Variants in DPP6 observed in about 807,000 individuals in gnomAD.
DPP6 encodes A-type potassium channel modulatory protein DPP6.
Under a neutral mutation model 122.6 loss-of-function variants are expected in DPP6, and 69 were observed. The observed-to-expected ratio is 0.56, with a 90% CI of 0.46 to 0.69. The LOEUF (loss-of-function observed/expected upper bound fraction) is 0.69, where lower values mean the gene tolerates loss of function less well. Ranked by LOEUF, DPP6 falls within the 30% of genes least tolerant of loss-of-function variation. The probability of loss-of-function intolerance (pLI) is 0.00; values close to 1 mark genes in which losing one functional copy is unlikely to be tolerated. For missense variants in DPP6, 928 were observed against 1,116.9 expected (o/e 0.83, Z 2.41); for synonymous variants, 418 against 433.1 (o/e 0.97, Z 0.43).
intron 8 of DPP6, among the ~76,000 whole-genome samples, chr7:154,763,992 T>C (rs990083430): frequency 6.6e-6 from 1 of 151,906 alleles, no homozygotes; most frequent in Non-Finnish European, 1.5e-5. Context: ...CCTGTGGATT[T>C]GGATGCCCCA....
intron 4 of DPP6, among the ~76,000 whole-genome samples, chr7:154,559,978 C>T (rs373496977): frequency 0.026 from 3,692 of 143,102 alleles, 61 homozygotes; most frequent in African/African-American, 0.042. Flanking sequence ...AAGATATAGA[C>T]ATATATAAAC....
chr7:153,818,407 A>G, the DPP6 span, among the ~76,000 whole-genome samples: 9 of 152,146 alleles, frequency 5.9e-5, no homozygotes, highest in African/African-American at 1.9e-4. Context: ...TTGCTGCAGC[A>G]TTGTTTGTAA....
At chr7:154,673,390 G>T (rs1043552334) in intron 7 of DPP6, among the ~76,000 whole-genome samples, 1 of 152,206 alleles carries the variant, frequency 6.6e-6, no homozygotes, top group African/African-American at 2.4e-5. Context: ...CCAGGGATGG[G>T]TGAGGGCATC....
At chr7:154,369,963 TGC>T in intron 1 of DPP6, among the ~76,000 whole-genome samples, 1 of 137,194 alleles carries the variant, frequency 7.3e-6, no homozygotes, top group African/African-American at 2.8e-5. Flanking sequence ...AGCAGATATA[TGC>T]ATTTATTTAT....
rs927152374 is a variant in DPP6 at position 154,604,395 on chromosome 7, A to G, written c.628-33426A>G. ...CTCTTCTTTAAAAATTGCCTTGGCT[A>G]TTATTTGCCTTTTACTCTTACATGT... On this transcript the variant is annotated intron_variant, in intron 5 of 25. Coordinates refer to ENST00000377770, the MANE Select transcript of DPP6 (RefSeq NM_130797.4). Among the ~76,000 whole-genome samples, 51 of 120,634 alleles carry G rather than the reference A, an allele frequency of 4.2e-4. 8 individuals are homozygous for G. Among genetic ancestry groups the G allele is most frequent in the African/African-American group, 1.3e-3 (51 of 37,940 alleles). The allele number at this position is 120,634 out of a possible 152,430, so 79.1% of individuals were successfully genotyped here. A position where few individuals can be genotyped will look rare whatever the true frequency, so the allele number is the denominator to read the frequency against.
the DPP6 span, among the ~76,000 whole-genome samples, chr7:153,828,211 A>C: frequency 6.6e-6 from 1 of 152,146 alleles, no homozygotes; most frequent in Admixed American, 6.5e-5. Flanking sequence ...GGCCTGCAAA[A>C]CAGGACGCTT....
At chr7:153,935,635 T>A (rs1801399424) in intron 1 of DPP6, among the ~76,000 whole-genome samples, 1 of 152,200 alleles carries the variant, frequency 6.6e-6, no homozygotes, top group Non-Finnish European at 1.5e-5. Context: ...ACAGCAGCCC[T>A]GGGAGGTGTG....
chr7:153,892,071 A>C (rs771059312), intron 1 of DPP6, among the ~76,000 whole-genome samples: 1 of 152,338 alleles, frequency 6.6e-6, no homozygotes, highest in East Asian at 1.9e-4. Context: ...TATCTATGGC[A>C]TGACGAGCCT....
chr7:153,943,899 G>A (rs1215600151), intron 1 of DPP6, among the ~76,000 whole-genome samples: 1 of 152,182 alleles, frequency 6.6e-6, no homozygotes, highest in Non-Finnish European at 1.5e-5. Flanking sequence ...GAATTTAAAA[G>A]AATGATGAGA....
intron 3 of DPP6, among the ~76,000 whole-genome samples, chr7:154,501,075 G>A (rs534900875): frequency 1.3e-5 from 2 of 152,304 alleles, no homozygotes; most frequent in South Asian, 2.1e-4. Context: ...TTTTGCCCCT[G>A]CCCTAGAGAT....
At chr7:154,420,126 C>T in intron 1 of DPP6, among the ~76,000 whole-genome samples, 1 of 152,190 alleles carries the variant, frequency 6.6e-6, no homozygotes, top group East Asian at 1.9e-4. Context: ...CACCTGAGGT[C>T]AGGAGTTTGA....
intron 16 of DPP6, among the ~76,000 whole-genome samples, chr7:154,843,432 C>T (rs1563273850): frequency 2.6e-5 from 4 of 152,204 alleles, no homozygotes. Context: ...TTTCTTTCTT[C>T]TTTCCTTTCC....
the DPP6 span, among the ~76,000 whole-genome samples, chr7:153,855,608 G>C: frequency 4.6e-5 from 7 of 152,234 alleles, no homozygotes; most frequent in South Asian, 1.0e-3. Context: ...CTGATGATTA[G>C]ACAGAGATTT....
intron 1 of DPP6, among the ~76,000 whole-genome samples, chr7:154,132,455 C>A (rs1376323603): frequency 2.0e-5 from 3 of 152,022 alleles, no homozygotes; most frequent in Non-Finnish European, 4.4e-5. Flanking sequence ...GCCCTTCTTA[C>A]CCCTTCACCT....
At chr7:153,884,985 AAAAT>A (rs1177929929), upstream of DPP6, among the ~76,000 whole-genome samples, 14 of 57,658 alleles carry the variant, frequency 2.4e-4, no homozygotes, top group East Asian at 7.7e-4. Context: ...TCTCAAAACA[AAAAT>A]ATATATATAT....
At chr7:154,008,658 CTTT>C (rs57634994) in intron 1 of DPP6, among the ~76,000 whole-genome samples, 3 of 101,510 alleles carry the variant, frequency 3.0e-5, no homozygotes, top group African/African-American at 4.0e-5. Flanking sequence ...TATTTCTTTT[CTTT>C]TTTTTTTTTT....
intron 1 of DPP6, among the ~76,000 whole-genome samples, chr7:153,907,450 A>G (rs1799897924): frequency 6.6e-6 from 1 of 152,248 alleles, no homozygotes; most frequent in African/African-American, 2.4e-5. Context: ...GGGAATTTGA[A>G]TAAATGATAT....
intron 16 of DPP6, among the ~76,000 whole-genome samples, chr7:154,849,598 A>G (rs919377337): frequency 6.6e-6 from 1 of 152,212 alleles, no homozygotes; most frequent in South Asian, 2.1e-4. Context: ...TTTACAGAAG[A>G]TCATGTCATC....
intron 1 of DPP6, among the ~76,000 whole-genome samples, chr7:154,279,222 A>G (rs1428753127): frequency 6.6e-6 from 1 of 152,016 alleles, no homozygotes; most frequent in Admixed American, 6.6e-5. Flanking sequence ...TGGTGTATGC[A>G]TAATTGTGTG....
Sources: gnomAD v4.1 joint callset for allele counts (sites outside exome capture counted in the v4.1 genomes callset) on GRCh38, gnomAD v4.1.1 for gene constraint, MANE v1.5 for transcripts, NCBI Gene and HGNC (gene_info 2026-07-23, HGNC 2026-07-21) for gene names.